PDZD2: variants seen among roughly 807,000 people sequenced by gnomAD.
PDZD2 encodes PDZ domain containing 2, also known as PDZ domain-containing protein 2.
Under a neutral mutation model 220.7 loss-of-function variants are expected in PDZD2, and 90 were observed. The observed-to-expected ratio is 0.41, with a 90% CI of 0.34 to 0.49. The LOEUF (loss-of-function observed/expected upper bound fraction) is 0.49, where lower values mean the gene tolerates loss of function less well. Ranked by LOEUF, PDZD2 falls within the 20% of genes least tolerant of loss-of-function variation. The pLI, the probability that PDZD2 is intolerant of heterozygous loss-of-function variation, is 0.28. For missense variants in PDZD2, 3,174 were observed against 3,608.5 expected (o/e 0.88, Z 3.08); for synonymous variants, 1,375 against 1,450.5 (o/e 0.95, Z 1.18).
intron 2 of PDZD2, among the ~76,000 whole-genome samples, chr5:31,810,337 A>G (rs1184606909): frequency 2.1e-5 from 3 of 146,242 alleles, no homozygotes; most frequent in East Asian, 2.0e-4. Flanking sequence ...ATCTCCGCTC[A>G]CTGCAACCTC....
At chr5:31,910,502 T>TGG (rs1743086584) in intron 2 of PDZD2, among the ~76,000 whole-genome samples, 2 of 151,394 alleles carry the variant, frequency 1.3e-5, no homozygotes, top group African/African-American at 4.9e-5. Flanking sequence ...GCGATTCTCT[T>TGG]GCCTCAGCCT....
At position 32,009,732 on chromosome 5, in the gene PDZD2, TA is replaced by T. The variant is rs546260806; in HGVS notation, c.1255-587del. Among the ~76,000 whole-genome samples, 212 of 145,686 alleles carry T rather than the reference TA, an allele frequency of 1.5e-3. 5 individuals are homozygous for T. In the South Asian group the frequency reaches 0.033, roughly 23 times the overall value. ...GGTGACAGAATGAGACCTTGTCTAT[TA>T]AAAAAAAAAATGATTGTTTTATAAA... On this transcript the variant is annotated intron_variant, in intron 5 of 24. Coordinates refer to ENST00000438447, the MANE Select transcript of PDZD2 (RefSeq NM_178140.4).
intron 2 of PDZD2, among the ~76,000 whole-genome samples, chr5:31,951,628 G>A (rs537451551): frequency 3.7e-4 from 56 of 152,180 alleles, no homozygotes; most frequent in Non-Finnish European, 7.1e-4. Flanking sequence ...TTTAATTGCT[G>A]AATAGTATTC....
rs567456632 is a variant in PDZD2, at chr5:31,696,481, G to C, written c.-361+57044G>C. Among the ~76,000 whole-genome samples the C allele has an allele frequency of 5.3e-5, 8 of 151,986 alleles. No individual in the cohort carries two copies. In the East Asian group the frequency reaches 1.6e-3, roughly 30 times the overall value. Reference sequence around the variant, plus strand: ...CAGCTAATGGTTTGTTTTTTTTGTAGAGATGGGGGTAGAGGTCTCACGCTA... The same window carrying C: ...CAGCTAATGGTTTGTTTTTTTTGTACAGATGGGGGTAGAGGTCTCACGCTA... On this transcript the variant is annotated intron_variant, in intron 1 of 24. Transcript: ENST00000438447.
chr5:31,763,883 A>G (rs1027697324), intron 1 of PDZD2, among the ~76,000 whole-genome samples: 33 of 152,228 alleles, frequency 2.2e-4, no homozygotes, highest in African/African-American at 7.2e-4. Context: ...AAAAAAAAAA[A>G]AAAAAGTCAT....
intron 2 of PDZD2, among the ~76,000 whole-genome samples, chr5:31,823,693 C>T (rs10074494): frequency 0.51 from 77,830 of 151,944 alleles, 20,976 homozygotes; most frequent in Non-Finnish European, 0.61. Context: ...TGCCATCAAG[C>T]GGTGAGCTTG....
At chr5:31,978,975 A>G (rs1426124436) in intron 2 of PDZD2, among the ~76,000 whole-genome samples, 1 of 152,144 alleles carries the variant, frequency 6.6e-6, no homozygotes, top group Non-Finnish European at 1.5e-5. Context: ...TTTGCCAAGA[A>G]TGGACCCTGC....
In PDZD2 at chr5:32,064,519, T is replaced by G. The variant is rs184239127; in HGVS notation, c.2451+3385T>G. The stretch of plus-strand genomic sequence containing the variant: ...TGGCCTCCCAAAGTGCTGGGATTAC[T>G]AGCATGAGCCACCACGCCCGGCCTC... On this transcript the variant is annotated intron_variant, in intron 14 of 24. Coordinates refer to ENST00000438447, the MANE Select transcript of PDZD2 (RefSeq NM_178140.4). 2.6e-3 allele frequency among the ~76,000 whole-genome samples: 390 copies of G among 152,114 alleles called. 4 individuals carry two copies. The highest frequency in any genetic ancestry group is 8.7e-3 in the African/African-American group (360 of 41,520).
At chr5:31,912,470 A>G (rs867884759) in intron 2 of PDZD2, among the ~76,000 whole-genome samples, 3 of 152,160 alleles carry the variant, frequency 2.0e-5, no homozygotes, top group South Asian at 4.1e-4. Flanking sequence ...CCAATTTTGG[A>G]GGAACACAAA....
Position 31,799,289 on chromosome 5 carries a change from T to G in PDZD2, c.41T>G (p.Leu14Arg). 1.2e-6 allele frequency: 2 copies of G among 1,612,850 alleles called. No homozygotes were observed. The highest frequency in any genetic ancestry group is 2.2e-5 in the South Asian group (2 of 91,012). Reference sequence around the variant, plus strand: ...GACAATGCCGTGCTGCACCTGCCCCTCCTCTACCAGTGGCTGCAGAACAGC... The same window carrying G: ...GACAATGCCGTGCTGCACCTGCCCCGCCTCTACCAGTGGCTGCAGAACAGC... ...TQDNAVLHLP[L>R]LYQWLQNSLQ... Residue 14 changes from leucine (L) to arginine (R), a missense_variant, in exon 2 of 25, where the codon CTC (leucine) becomes CGC (arginine). By Grantham distance (102) the Leu-to-Arg change is moderately radical (BLOSUM62 -2). This residue lies in a region of PDZD2 where 632 missense variants were observed against 708.1 expected (regional missense o/e 0.89). Coordinates refer to ENST00000438447, the MANE Select transcript of PDZD2 (RefSeq NM_178140.4).
chr5:31,643,574 A>G (rs1480544499), intron 1 of PDZD2, among the ~76,000 whole-genome samples: 1 of 152,196 alleles, frequency 6.6e-6, no homozygotes, highest in African/African-American at 2.4e-5. Context: ...AACTAGAGTC[A>G]CAAAACACAG....
At chr5:31,997,292 A>G (rs1465419663) in intron 4 of PDZD2, among the ~76,000 whole-genome samples, 1 of 152,234 alleles carries the variant, frequency 6.6e-6, no homozygotes, top group African/African-American at 2.4e-5. Context: ...CACATGAGGT[A>G]CAGTTGAAGG....
intron 2 of PDZD2, among the ~76,000 whole-genome samples, chr5:31,940,106 C>T (rs1229299209): frequency 6.6e-6 from 1 of 152,194 alleles, no homozygotes; most frequent in Non-Finnish European, 1.5e-5. Flanking sequence ...GAGTTCTTCA[C>T]ATTACCTACG....
At chr5:31,645,759 G>T (rs182020244) in intron 1 of PDZD2, among the ~76,000 whole-genome samples, 1 of 152,048 alleles carries the variant, frequency 6.6e-6, no homozygotes, top group Non-Finnish European at 1.5e-5. Context: ...ATCCTGCTTG[G>T]CTAAAAATAA....
intron 2 of PDZD2, among the ~76,000 whole-genome samples, chr5:31,945,952 C>T (rs1248909899): frequency 6.6e-6 from 1 of 152,172 alleles, no homozygotes; most frequent in Non-Finnish European, 1.5e-5. Flanking sequence ...CAGGTGGCAC[C>T]TCATGACTGG....
chr5:32,075,917 A>C (rs1435335373), intron 18 of PDZD2, among the ~76,000 whole-genome samples: 4 of 152,152 alleles, frequency 2.6e-5, no homozygotes, highest in Admixed American at 2.0e-4. Flanking sequence ...CCTTCTCCTC[A>C]AATATCATAT....
Position 31,717,598 on chromosome 5 carries a change from G to A in PDZD2, c.-361+78161G>A, listed in dbSNP as rs572516946. Reference sequence around the variant, plus strand: ...TTGGTGCATTCTACCTTGTGAAGCTGTCCCTGAATTTGTCTCTTCTCCATC... The same window carrying A: ...TTGGTGCATTCTACCTTGTGAAGCTATCCCTGAATTTGTCTCTTCTCCATC... On this transcript the variant is annotated intron_variant, in intron 1 of 24. Transcript: ENST00000438447. Among the ~76,000 whole-genome samples, 41 of 152,154 alleles carry A rather than the reference G, an allele frequency of 2.7e-4. 1 individual carries two copies. Among genetic ancestry groups the A allele is most frequent in the African/African-American group, 8.7e-4 (36 of 41,514 alleles).
chr5:31,778,652 C>T (rs190103916), intron 1 of PDZD2, among the ~76,000 whole-genome samples: 142 of 152,292 alleles, frequency 9.3e-4, no homozygotes, highest in African/African-American at 3.3e-3. Flanking sequence ...GAACAAATTC[C>T]GGACATACCG....
chr5:31,891,127 C>CTTTTTTTTTTT (rs869189606), intron 2 of PDZD2, among the ~76,000 whole-genome samples: 1 of 96,420 alleles, frequency 1.0e-5, no homozygotes, highest in Non-Finnish European at 1.9e-5. Flanking sequence ...GGGGTTTTTC[C>CTTTTTTTTTTT]TTTTTTTTTT....
Sources: allele counts gnomAD v4.1 joint callset (sites outside exome capture counted in the v4.1 genomes callset), GRCh38; gene constraint gnomAD v4.1.1; regional missense constraint gnomAD v4.1.1; transcripts MANE v1.5; gene names NCBI Gene and HGNC (gene_info 2026-07-23, HGNC 2026-07-21).